Variants in NRG3 observed in about 807,000 individuals in gnomAD.
The protein encoded by NRG3 is pro-neuregulin-3, membrane-bound isoform.
NRG3 carries 31 observed loss-of-function variants against 66.9 expected under a neutral mutation model. That is an observed-to-expected ratio of 0.46 (90% CI 0.35 to 0.63). NRG3 has a LOEUF of 0.63. Ranked by LOEUF, NRG3 falls within the 20% of genes least tolerant of loss-of-function variation. The pLI, the probability that NRG3 is intolerant of heterozygous loss-of-function variation, is 0.00. For synonymous variants in NRG3, 393 were observed against 359.4 expected (o/e 1.09, Z -1.06); for missense variants, 910 against 878.9 (o/e 1.04, Z -0.45).
intron 2 of NRG3, among the ~76,000 whole-genome samples, chr10:82,502,847 T>G (rs1844323672): frequency 1.3e-5 from 2 of 152,222 alleles, no homozygotes; most frequent in Non-Finnish European, 2.9e-5. Flanking sequence ...AGGATTTCTT[T>G]GTAGATCCTC....
At chr10:82,165,047 A>C (rs1453354768) in intron 1 of NRG3, among the ~76,000 whole-genome samples, 1 of 152,212 alleles carries the variant, frequency 6.6e-6, no homozygotes, top group African/African-American at 2.4e-5. Flanking sequence ...ATGTATAGAT[A>C]GACATAAAAA....
At chr10:82,822,894 A>T (rs547730385) in intron 3 of NRG3, among the ~76,000 whole-genome samples, 1 of 152,170 alleles carries the variant, frequency 6.6e-6, no homozygotes, top group South Asian at 2.1e-4. Context: ...TAGTGGTGTG[A>T]GGTTGAATAA....
At chr10:82,689,327 G>T (rs2054746816) in intron 2 of NRG3, among the ~76,000 whole-genome samples, 1 of 152,078 alleles carries the variant, frequency 6.6e-6, no homozygotes, top group African/African-American at 2.4e-5. Context: ...CTGTAACCTG[G>T]TTAAACAAGG....
At chr10:82,672,719 T>C (rs1393572275) in intron 2 of NRG3, among the ~76,000 whole-genome samples, 1 of 152,220 alleles carries the variant, frequency 6.6e-6, no homozygotes, top group Non-Finnish European at 1.5e-5. Context: ...AGTTTGCATG[T>C]TCCCCTCAAA....
chr10:82,641,016 T>TAAGTAATGTA (rs1565156351), intron 2 of NRG3, among the ~76,000 whole-genome samples: 2 of 12,390 alleles, frequency 1.6e-4, no homozygotes, highest in East Asian at 1.9e-3. Context: ...TGTCGTTTTT[T>TAAGTAATGTA]TTTTTTTTTT....
chr10:82,235,135 G>A (rs535939564), intron 1 of NRG3, among the ~76,000 whole-genome samples: 1 of 152,228 alleles, frequency 6.6e-6, no homozygotes, highest in Non-Finnish European at 1.5e-5. Flanking sequence ...GCCAGCAATG[G>A]CCTGAAGTCC....
chr10:82,836,729 T>C (rs1248264529), intron 3 of NRG3, among the ~76,000 whole-genome samples: 1 of 151,762 alleles, frequency 6.6e-6, no homozygotes, highest in Non-Finnish European at 1.5e-5. Flanking sequence ...TTATTTTTAT[T>C]TTTTCTAATT....
chr10:82,660,794 T>C (rs2052297034), intron 2 of NRG3, among the ~76,000 whole-genome samples: 1 of 152,154 alleles, frequency 6.6e-6, no homozygotes, highest in South Asian at 2.1e-4. Flanking sequence ...TACGGTTCAC[T>C]TCTTATCAGT....
rs76040387 is a variant in NRG3 at position 82,218,313 on chromosome 10, C to G, written c.824-140426C>G. Among the ~76,000 whole-genome samples, 1,298 of 152,274 alleles carry G rather than the reference C, an allele frequency of 8.5e-3. 27 individuals carry two copies. Among genetic ancestry groups the G allele is most frequent in the African/African-American group, 0.03 (1,245 of 41,548 alleles). ...TTTCCTAATTTATTCTTTTCACCAG[C>G]TGCATTAAAATTCACCGCAAAGATT... On this transcript the variant is annotated intron_variant, in intron 1 of 8. Coordinates refer to ENST00000372141, the MANE Select transcript of NRG3 (RefSeq NM_001010848.4).
intron 3 of NRG3, among the ~76,000 whole-genome samples, chr10:82,841,853 T>C (rs2063070061): frequency 6.6e-6 from 1 of 152,184 alleles, no homozygotes; most frequent in African/African-American, 2.4e-5. Context: ...TTTTTGCTAC[T>C]TGACCCAACA....
At chr10:82,052,163 G>A (rs1366706544) in intron 1 of NRG3, among the ~76,000 whole-genome samples, 1 of 151,594 alleles carries the variant, frequency 6.6e-6, no homozygotes, top group African/African-American at 2.4e-5. Flanking sequence ...TGAATATTCA[G>A]TTTGTTTAGG....
At chr10:82,218,474 G>A (rs972877008) in intron 1 of NRG3, among the ~76,000 whole-genome samples, 3 of 152,186 alleles carry the variant, frequency 2.0e-5, no homozygotes, top group African/African-American at 7.2e-5. Flanking sequence ...GACACACTCT[G>A]TGTTGCCCTG....
chr10:82,949,160 T>C (rs1849291374), intron 4 of NRG3, among the ~76,000 whole-genome samples: 1 of 152,204 alleles, frequency 6.6e-6, no homozygotes. Context: ...TCTGCTTAGA[T>C]GTAAAAATGG....
chr10:82,112,085 A>C (rs2132252824), intron 1 of NRG3, among the ~76,000 whole-genome samples: 1 of 152,184 alleles, frequency 6.6e-6, no homozygotes, highest in Non-Finnish European at 1.5e-5. Context: ...CACTGTAAAA[A>C]AAATAAAAAA....
chr10:82,762,545 T>A (rs369434372), intron 3 of NRG3, among the ~76,000 whole-genome samples: 4 of 152,190 alleles, frequency 2.6e-5, no homozygotes, highest in African/African-American at 9.7e-5. Context: ...TCAATTTGAA[T>A]TATGAATAGT....
intron 2 of NRG3, among the ~76,000 whole-genome samples, chr10:82,359,142 T>A (rs1218946644): frequency 6.6e-6 from 1 of 152,222 alleles, no homozygotes; most frequent in African/African-American, 2.4e-5. Context: ...ATGGAAATAA[T>A]TATTTACACA....
At chr10:82,055,280 T>C (rs2063783159) in intron 1 of NRG3, among the ~76,000 whole-genome samples, 1 of 151,370 alleles carries the variant, frequency 6.6e-6, no homozygotes, top group African/African-American at 2.4e-5. Context: ...ATCGAGACAA[T>C]CCTGGCTAAC....
intron 6 of NRG3, among the ~76,000 whole-genome samples, chr10:82,973,332 G>A (rs575978502): frequency 6.6e-6 from 1 of 152,200 alleles, no homozygotes; most frequent in Non-Finnish European, 1.5e-5. Context: ...GTGGAATGTG[G>A]TGGCCAGATA....
intron 1 of NRG3, among the ~76,000 whole-genome samples, chr10:82,119,458 C>T (rs1357414041): frequency 6.6e-6 from 1 of 152,126 alleles, no homozygotes; most frequent in Non-Finnish European, 1.5e-5. Context: ...AGATACACAT[C>T]ATTACCCTTA....
Sources: gnomAD v4.1 joint callset for allele counts (sites outside exome capture counted in the v4.1 genomes callset) on GRCh38, gnomAD v4.1.1 for gene constraint, MANE v1.5 for transcripts, NCBI Gene and HGNC (gene_info 2026-07-23, HGNC 2026-07-21) for gene names.